Variants in PKN2 observed in about 807,000 individuals in gnomAD.
PKN2 encodes serine/threonine-protein kinase N2.
PKN2 carries 38 observed loss-of-function variants against 119.1 expected under a neutral mutation model. The observed-to-expected ratio is 0.32, with a 90% CI of 0.25 to 0.42. The LOEUF is 0.42. PKN2 is among the 10% of genes least tolerant of loss of function. PKN2 has a pLI of 1.00. For synonymous variants in PKN2, 390 were observed against 384.9 expected, an observed-to-expected ratio of 1.01 and a Z score of -0.15; for missense variants, 850 against 1,165.1, an observed-to-expected ratio of 0.73 and a Z score of 3.94.
At chr1:88,686,439 A>G (rs1462298776) in intron 1 of PKN2, among the ~76,000 whole-genome samples, 1 of 152,126 alleles carries the variant, frequency 6.6e-6, no homozygotes, top group Non-Finnish European at 1.5e-5. Flanking sequence ...AATAACAAGG[A>G]AGCAAGCAAA....
intron 3 of PKN2, among the ~76,000 whole-genome samples, chr1:88,765,609 G>A (rs1255892805): frequency 1.3e-5 from 2 of 152,152 alleles, no homozygotes; most frequent in Admixed American, 6.5e-5. Context: ...GTACCCTTGA[G>A]TTCTTTAGTG....
intron 1 of PKN2, among the ~76,000 whole-genome samples, chr1:88,715,219 T>C (rs1472318402): frequency 6.6e-6 from 1 of 152,210 alleles, no homozygotes; most frequent in Non-Finnish European, 1.5e-5. Flanking sequence ...ATCAGGGATA[T>C]TGGTTTAAAA....
intron 16 of PKN2, 33 bp downstream of exon 16, chr1:88,813,766 T>C (rs1396145207): frequency 1.3e-6 from 2 of 1,484,392 alleles, no homozygotes; most frequent in Non-Finnish European, 1.8e-6. Flanking sequence ...TCTGAGTTTT[T>C]CCATGACTGA....
At chr1:88,720,871 T>C (rs61766083) in intron 1 of PKN2, among the ~76,000 whole-genome samples, 5,418 of 152,304 alleles carry the variant, frequency 0.036, 144 homozygotes, top group Middle Eastern at 0.085. Context: ...AGTGAGAACA[T>C]ATGATGTTTG....
intron 2 of PKN2, among the ~76,000 whole-genome samples, chr1:88,744,198 G>C (rs1478907371): frequency 1.3e-5 from 2 of 152,098 alleles, no homozygotes; most frequent in African/African-American, 4.8e-5. Flanking sequence ...GTAATCCCAT[G>C]AATTTATTTT....
chr1:88,793,922 A>G (rs1343412602), intron 8 of PKN2, among the ~76,000 whole-genome samples: 1 of 152,222 alleles, frequency 6.6e-6, no homozygotes, highest in Non-Finnish European at 1.5e-5. Flanking sequence ...TAATCCACAG[A>G]TAAGGAACCC....
intron 1 of PKN2, among the ~76,000 whole-genome samples, chr1:88,730,393 T>C (rs1458138658): frequency 6.6e-6 from 1 of 152,194 alleles, no homozygotes; most frequent in Non-Finnish European, 1.5e-5. Flanking sequence ...GGACCCAGGC[T>C]CTCTCTCTTT....
chr1:88,812,488 T>C (rs999960676), intron 15 of PKN2, among the ~76,000 whole-genome samples: 2 of 152,054 alleles, frequency 1.3e-5, no homozygotes, highest in African/African-American at 4.8e-5. Context: ...ACCTGTAATC[T>C]CAGTACTTTG....
chr1:88,784,048 C>T (rs1428271018), intron 6 of PKN2, among the ~76,000 whole-genome samples: 3 of 151,684 alleles, frequency 2.0e-5, no homozygotes, highest in African/African-American at 7.3e-5. Flanking sequence ...TTATGTTTCT[C>T]CTCCCATACC....
At chr1:88,786,930 C>T (rs1670601112) in intron 8 of PKN2, among the ~76,000 whole-genome samples, 1 of 144,876 alleles carries the variant, frequency 6.9e-6, no homozygotes, top group Non-Finnish European at 1.5e-5. Flanking sequence ...CTGTTCTAAG[C>T]CTCTACTTTT....
At chr1:88,740,247 A>G (rs116465567) in intron 1 of PKN2, among the ~76,000 whole-genome samples, 3 of 152,276 alleles carry the variant, frequency 2.0e-5, no homozygotes, top group Non-Finnish European at 4.4e-5. Context: ...AGTTCTGAAT[A>G]TAGTTTTCCC....
intron 2 of PKN2, among the ~76,000 whole-genome samples, chr1:88,748,439 T>G (rs1375259810): frequency 6.6e-6 from 1 of 152,194 alleles, no homozygotes; most frequent in East Asian, 1.9e-4. Context: ...TTTTTATTCC[T>G]GAGTAATAGT....
chr1:88,773,408 A>T (rs1215644019), intron 6 of PKN2, among the ~76,000 whole-genome samples: 2 of 151,860 alleles, frequency 1.3e-5, no homozygotes, highest in African/African-American at 4.8e-5. Flanking sequence ...TGATGGCCAT[A>T]CTGGTGTCAA....
At chr1:88,823,872 A>G (rs1364812388) in intron 17 of PKN2, among the ~76,000 whole-genome samples, 3 of 148,414 alleles carry the variant, frequency 2.0e-5, no homozygotes, top group Non-Finnish European at 4.5e-5. Context: ...AGCCGGGTGT[A>G]GTGGCACGCG....
chr1:88,724,892 T>G (rs1427537314), intron 1 of PKN2, among the ~76,000 whole-genome samples: 1 of 145,952 alleles, frequency 6.9e-6, no homozygotes, highest in African/African-American at 2.6e-5. Context: ...GTTTTTTTTT[T>G]TTTTTTTTTT....
chr1:88,814,130 T>A (rs777940208), intron 16 of PKN2, among the ~76,000 whole-genome samples: 4 of 152,178 alleles, frequency 2.6e-5, no homozygotes, highest in Non-Finnish European at 4.4e-5. Flanking sequence ...ATATAAAATA[T>A]TTGTATTTGC....
intron 1 of PKN2, among the ~76,000 whole-genome samples, chr1:88,740,567 C>T (rs749019336): frequency 6.6e-6 from 1 of 152,034 alleles, no homozygotes; most frequent in Non-Finnish European, 1.5e-5. Context: ...ATCACAGTAT[C>T]TCTAAAAGGT....
chr1:88,816,421 A>G (rs1174687355), intron 16 of PKN2, among the ~76,000 whole-genome samples: 2 of 151,472 alleles, frequency 1.3e-5, no homozygotes, highest in African/African-American at 4.9e-5. Flanking sequence ...TAATTTTTGT[A>G]TTTTTAGTAG....
At chr1:88,820,076 A>G (rs10158435) in intron 16 of PKN2, among the ~76,000 whole-genome samples, 16,542 of 150,454 alleles carry the variant, frequency 0.11, 1,909 homozygotes, top group African/African-American at 0.3. Context: ...AATCACCATG[A>G]CACGTGAATA....
Sources: gnomAD v4.1 joint callset for allele counts (sites outside exome capture counted in the v4.1 genomes callset) on GRCh38, gnomAD v4.1.1 for gene constraint, MANE v1.5 for transcripts, NCBI Gene and HGNC (gene_info 2026-07-23, HGNC 2026-07-21) for gene names.